F2RL1: variants seen among roughly 807,000 people sequenced by gnomAD.
The protein encoded by F2RL1 is proteinase-activated receptor 2.
Under a neutral mutation model 21.7 loss-of-function variants are expected in F2RL1, and 16 were observed. The ratio of observed to expected loss-of-function variants is 0.74; its 90% confidence interval spans 0.50 to 1.12. The LOEUF (loss-of-function observed/expected upper bound fraction) is 1.12, where lower values mean the gene tolerates loss of function less well. Ranked by LOEUF, F2RL1 falls within the 50% of genes most tolerant of loss-of-function variation. The pLI is 0.00. For synonymous variants in F2RL1, 181 were observed against 186.7 expected (o/e 0.97, Z 0.25); for missense variants, 432 against 477.8 (o/e 0.90, Z 0.89).
At chr5:76,830,105 A>G (rs1203825280) in intron 1 of F2RL1, among the ~76,000 whole-genome samples, 1 of 152,160 alleles carries the variant, frequency 6.6e-6, no homozygotes. Context: ...AAGCCCTCCA[A>G]AAGCTCTAAG....
chr5:76,831,604 G>A (rs1467714848), intron 1 of F2RL1, among the ~76,000 whole-genome samples: 1 of 146,114 alleles, frequency 6.8e-6, no homozygotes, highest in African/African-American at 2.6e-5. Flanking sequence ...CATGATCTTG[G>A]ATCACTGCAA....
intron 1 of F2RL1, among the ~76,000 whole-genome samples, chr5:76,821,152 A>G (rs1433765850): frequency 1.3e-5 from 2 of 152,172 alleles, no homozygotes; most frequent in East Asian, 3.8e-4. Flanking sequence ...AGCCGAGATC[A>G]CAACCTTCTC....
intron 1 of F2RL1, among the ~76,000 whole-genome samples, chr5:76,821,236 C>A (rs1206648210): frequency 6.6e-6 from 1 of 152,156 alleles, no homozygotes; most frequent in South Asian, 2.1e-4. Flanking sequence ...CTTCTCTTTC[C>A]CTTTACAATA....
intron 1 of F2RL1, among the ~76,000 whole-genome samples, chr5:76,824,425 A>T (rs1750203012): frequency 6.6e-6 from 1 of 151,234 alleles, no homozygotes. Flanking sequence ...TCCGCCTCCC[A>T]GGTTCAAGCC....
intron 1 of F2RL1, among the ~76,000 whole-genome samples, chr5:76,823,370 GTTT>G (rs70982642): frequency 4.0e-5 from 5 of 125,964 alleles, no homozygotes; most frequent in Admixed American, 8.0e-5. Context: ...TGGTTGGTTG[GTTT>G]TTTTTTTTTT....
At chr5:76,821,155 A>G (rs1315137735) in intron 1 of F2RL1, among the ~76,000 whole-genome samples, 3 of 152,180 alleles carry the variant, frequency 2.0e-5, no homozygotes, top group African/African-American at 7.2e-5. Context: ...CGAGATCACA[A>G]CCTTCTCAGG....
At chr5:76,830,467 A>G (rs371132261) in intron 1 of F2RL1, among the ~76,000 whole-genome samples, 1 of 152,170 alleles carries the variant, frequency 6.6e-6, no homozygotes, top group East Asian at 1.9e-4. Context: ...TAGTAGAGAC[A>G]GGGTTTCACT....
intron 1 of F2RL1, among the ~76,000 whole-genome samples, chr5:76,832,001 C>A (rs1267035324): frequency 6.7e-6 from 1 of 150,198 alleles, no homozygotes; most frequent in Non-Finnish European, 1.5e-5. Flanking sequence ...TAGCAAGACC[C>A]CATCTCTAAA....
chr5:76,825,117 C>T (rs1365261575), intron 1 of F2RL1, among the ~76,000 whole-genome samples: 1 of 151,662 alleles, frequency 6.6e-6, no homozygotes, highest in African/African-American at 2.4e-5. Flanking sequence ...AGCGATTCTC[C>T]TGCCTCAGCC....
At chr5:76,821,618 C>T (rs193160589) in intron 1 of F2RL1, among the ~76,000 whole-genome samples, 13 of 134,190 alleles carry the variant, frequency 9.7e-5, no homozygotes, top group African/African-American at 3.3e-4. Context: ...CATTCGGTTG[C>T]CCAGGCTTGA....
chr5:76,824,555 C>CTGAT, intron 1 of F2RL1, among the ~76,000 whole-genome samples: 1 of 152,058 alleles, frequency 6.6e-6, no homozygotes, highest in South Asian at 2.1e-4. Flanking sequence ...TCTCAAACTC[C>CTGAT]CGATCTCATG....
intron 1 of F2RL1, among the ~76,000 whole-genome samples, chr5:76,823,368 TG>T (rs201073676): frequency 3.2e-5 from 4 of 126,714 alleles, no homozygotes; most frequent in South Asian, 3.0e-4. Context: ...TTTGGTTGGT[TG>T]GTTTTTTTTT....
Position 76,832,685 on chromosome 5 carries a change from T to C in F2RL1, c.83-5T>C. On this transcript the variant is annotated splice_polypyrimidine_tract_variant and splice_region_variant and intron_variant, in intron 1 of 1. Transcript: ENST00000296677. ...TAATGACCCTTGTCTTCCTTTCTTG[T>C]ACAGGAACCAGTAGATCCTCTAAAG... 1 of 1,590,998 alleles carries C rather than the reference T, an allele frequency of 6.3e-7. No homozygotes were observed. The highest frequency in any genetic ancestry group is 2.2e-5 in the East Asian group (1 of 44,568).
rs1580937082 is a variant in F2RL1, at chr5:76,833,332, A to C, written c.725A>C (p.Tyr242Ser). ...CTCTTGGTGGGAGACATGTTCAATT[A>C]CTTCCTCTCTCTGGCCATTGGGGTC... ...EQLLVGDMFN[Y>S]FLSLAIGVFL... is the part of the protein sequence containing the mutation. The change falls in exon 2 of 2, where the codon TAC (tyrosine) becomes TCC (serine). Residue 242 changes from tyrosine to serine, a missense_variant. Coordinates refer to ENST00000296677, the MANE Select transcript of F2RL1 (RefSeq NM_005242.6). 1.2e-6 allele frequency: 2 copies of C among 1,613,950 alleles called. No individual in the cohort carries two copies. Among genetic ancestry groups the C allele is most frequent in the Non-Finnish European group, 1.7e-6 (2 of 1,179,996 alleles).
At chr5:76,819,840 G>T (rs2242995) in intron 1 of F2RL1, among the ~76,000 whole-genome samples, 4 of 151,764 alleles carry the variant, frequency 2.6e-5, no homozygotes, top group African/African-American at 4.8e-5. Context: ...TCGGGTTCTG[G>T]CCCCTGCGTT....
intron 1 of F2RL1, among the ~76,000 whole-genome samples, chr5:76,824,126 TA>T (rs1248842331): frequency 6.7e-6 from 1 of 148,388 alleles, no homozygotes; most frequent in Non-Finnish European, 1.5e-5. Context: ...CAAACTTTTA[TA>T]GGGGGGTAAT....
intron 1 of F2RL1, among the ~76,000 whole-genome samples, chr5:76,824,271 C>A (rs1366719784): frequency 6.6e-6 from 1 of 150,926 alleles, no homozygotes; most frequent in Non-Finnish European, 1.5e-5. Context: ...GACGGAGCTC[C>A]CAAGTAGCTG....
chr5:76,827,595 A>G (rs956841411), intron 1 of F2RL1, among the ~76,000 whole-genome samples: 15 of 143,078 alleles, frequency 1.0e-4, no homozygotes, highest in Non-Finnish European at 2.1e-4. Flanking sequence ...TGGGTCATAT[A>G]GTAACTTTTT....
intron 1 of F2RL1, among the ~76,000 whole-genome samples, chr5:76,828,489 T>C (rs185696715): frequency 1.9e-4 from 19 of 100,458 alleles, no homozygotes; most frequent in Non-Finnish European, 3.6e-4. Context: ...TTCTTTCTTT[T>C]TTTTTTTTTT....
Sources: gnomAD v4.1 joint callset for allele counts (sites outside exome capture counted in the v4.1 genomes callset) on GRCh38, gnomAD v4.1.1 for gene constraint, MANE v1.5 for transcripts, NCBI Gene and HGNC (gene_info 2026-07-23, HGNC 2026-07-21) for gene names.